Variants in ZKSCAN7 observed in about 807,000 individuals in gnomAD.
ZKSCAN7 encodes zinc finger protein with KRAB and SCAN domains 7.
Under a neutral mutation model 65.3 loss-of-function variants are expected in ZKSCAN7, and 38 were observed. The ratio of observed to expected loss-of-function variants is 0.58; its 90% CI spans 0.45 to 0.76. The LOEUF (loss-of-function observed/expected upper bound fraction) is 0.76. Among genes scored for constraint, ZKSCAN7 ranks in the 30% least tolerant of loss-of-function variants. The pLI is 0.00. For synonymous variants in ZKSCAN7, 321 were observed against 321.0 expected (o/e 1.00, Z 0.00); for missense variants, 815 against 913.3 (o/e 0.89, Z 1.39).
Position 44,557,463 on chromosome 3 carries a change from C to T in ZKSCAN7, c.416C>T (p.Ser139Leu). The change falls in exon 2 of 6, where the codon TCA becomes TTA. Residue 139 changes from serine to leucine, a missense_variant. By Grantham distance (145) the Ser-to-Leu change is moderately radical. Around this residue, in one of 3 missense-constraint regions of ZKSCAN7, gnomAD observed 227 missense variants for 253.3 expected, o/e 0.90. Transcript: ENST00000426540. ...VEDFQRHLSG[S>L]EEVSAPAQKQ... ...GATTTCCAGAGACACCTCAGTGGATCAGAGGAGGTGAGCAGTTGAGTCTAG... is the reference window on the plus strand; with the variant it reads ...GATTTCCAGAGACACCTCAGTGGATTAGAGGAGGTGAGCAGTTGAGTCTAG... 1 of 1,614,150 alleles carries T rather than the reference C, an allele frequency of 6.2e-7. No individual in the cohort carries two copies. The highest frequency in any genetic ancestry group is 8.5e-7 in the Non-Finnish European group (1 of 1,180,028).
At chr3:44,558,024 A>G (rs1475290105) in intron 2 of ZKSCAN7, among the ~76,000 whole-genome samples, 1 of 152,130 alleles carries the variant, frequency 6.6e-6, no homozygotes, top group Non-Finnish European at 1.5e-5. Context: ...ATGTAATACC[A>G]AGGTAATTTA....
chr3:44,582,768 A>G (rs960520649), intron 5 of ZKSCAN7, among the ~76,000 whole-genome samples: 2 of 152,170 alleles, frequency 1.3e-5, no homozygotes, highest in Non-Finnish European at 1.5e-5. Flanking sequence ...TTAAGGAGTA[A>G]TCATTCCTCC....
chr3:44,576,035 G>A (rs147645164), downstream of ZKSCAN7, among the ~76,000 whole-genome samples: 5 of 152,114 alleles, frequency 3.3e-5, no homozygotes, highest in East Asian at 5.8e-4. Context: ...TAGAAATGAC[G>A]CATTCTGATA....
chr3:44,565,387 T>A, intron 2 of ZKSCAN7, 100 bp from the exon 3 acceptor site: 6 of 1,274,822 alleles, frequency 4.7e-6, no homozygotes, highest in Non-Finnish European at 6.3e-6. Flanking sequence ...CTGGCTCTTC[T>A]TTTCCCTGGC....
chr3:44,555,515 AAAGGTAGAT>A (rs1413920190), intron 1 of ZKSCAN7, 34 bp downstream of exon 1: 9 of 152,270 alleles, frequency 5.9e-5, no homozygotes, highest in African/African-American at 2.2e-4. Flanking sequence ...GTTTAACACG[AAAGGTAGAT>A]CGCTGTTTTC....
intron 5 of ZKSCAN7, chr3:44,579,981 G>GT: frequency 1.3e-6 from 2 of 1,585,706 alleles, no homozygotes; most frequent in East Asian, 2.2e-5. Flanking sequence ...AGCTTGGGGG[G>GT]GGGCTTCATT....
At chr3:44,575,892 A>AT (rs1699913365), downstream of ZKSCAN7, among the ~76,000 whole-genome samples, 1 of 152,002 alleles carries the variant, frequency 6.6e-6, no homozygotes, top group African/African-American at 2.4e-5. Context: ...TATTATTATT[A>AT]TTTTTTAAAG....
At chr3:44,562,368 C>T (rs936712606) in intron 2 of ZKSCAN7, among the ~76,000 whole-genome samples, 1 of 152,200 alleles carries the variant, frequency 6.6e-6, no homozygotes, top group Admixed American at 6.5e-5. Context: ...ATTGTTTTCT[C>T]CTAGGCCTCC....
At chr3:44,568,534 C>T (rs1559427541) in intron 5 of ZKSCAN7, 101 bp downstream of exon 5, 3 of 1,511,484 alleles carry the variant, frequency 2.0e-6, no homozygotes, top group Non-Finnish European at 1.8e-6. Flanking sequence ...AATTTCCAAA[C>T]ATAGTTAAAC....
chr3:44,566,326 G>A (rs1016188324), intron 3 of ZKSCAN7, among the ~76,000 whole-genome samples: 4 of 152,152 alleles, frequency 2.6e-5, no homozygotes, highest in East Asian at 1.9e-4. Flanking sequence ...GGGAGTCAGA[G>A]GATAATGTGT....
intron 2 of ZKSCAN7, among the ~76,000 whole-genome samples, chr3:44,557,827 CTT>C (rs2125708211): frequency 1.3e-5 from 2 of 152,264 alleles, no homozygotes; most frequent in East Asian, 3.9e-4. Context: ...GAGACATTCT[CTT>C]TGCTCACTTC....
rs375769242 is a variant in ZKSCAN7 at position 44,579,509 on chromosome 3, G to C, written c.812-3463G>C. 3.9e-5 allele frequency among the ~76,000 whole-genome samples: 6 copies of C among 152,196 alleles called. No individual in the cohort carries two copies. In the East Asian group the frequency reaches 5.8e-4, roughly 15 times the overall value. The stretch of plus-strand genomic sequence containing the variant: ...TGCCTCTTGCTTCTCAGTAGGCCTC[G>C]GGCAGGTCTCAAAAGAGCAGCTGCT... On this transcript the variant is annotated intron_variant, in intron 5 of 5. Transcript: ENST00000341840.
chr3:44,557,547 T>G, intron 2 of ZKSCAN7, 77 bp downstream of exon 2: 1 of 1,589,680 alleles, frequency 6.3e-7, no homozygotes, highest in Non-Finnish European at 8.5e-7. Context: ...CATTCTCCAC[T>G]TCCCAGGCCC....
At chr3:44,582,042 A>C (rs1197299178) in intron 5 of ZKSCAN7, among the ~76,000 whole-genome samples, 1 of 152,198 alleles carries the variant, frequency 6.6e-6, no homozygotes, top group Non-Finnish European at 1.5e-5. Flanking sequence ...TTGAAAGTAA[A>C]TCCCCTATCC....
At chr3:44,566,546 A>G (rs892932528) in intron 3 of ZKSCAN7, among the ~76,000 whole-genome samples, 1 of 152,130 alleles carries the variant, frequency 6.6e-6, no homozygotes, top group African/African-American at 2.4e-5. Context: ...GGGAATTAGA[A>G]TGTTTTGGCC....
At chr3:44,561,637 G>T (rs550240217) in intron 2 of ZKSCAN7, among the ~76,000 whole-genome samples, 1 of 152,258 alleles carries the variant, frequency 6.6e-6, no homozygotes, top group East Asian at 1.9e-4. Context: ...GATACAATGG[G>T]GATATAGGCA....
intron 5 of ZKSCAN7, among the ~76,000 whole-genome samples, chr3:44,579,061 G>A (rs1184195748): frequency 1.3e-5 from 2 of 152,196 alleles, no homozygotes; most frequent in Non-Finnish European, 2.9e-5. Flanking sequence ...ACAGGTGGAC[G>A]GGGACGATGG....
Position 44,565,619 on chromosome 3 carries a change from G to A in ZKSCAN7, c.556G>A (p.Asp186Asn), listed in dbSNP as rs1448522318. The A allele has an allele frequency of 3.1e-6, 5 of 1,609,648 alleles. No homozygotes were observed. The highest frequency in any genetic ancestry group is 4.2e-6 in the Non-Finnish European group (5 of 1,178,266). The stretch of plus-strand genomic sequence containing the variant: ...TGGAGCCCACCTGGAGCCTCCTTAT[G>A]ACCCAGGGACACACCACCTCCCCAG... ...APGAHLEPPY[D>N]PGTHHLPSGD... The change falls in exon 3 of 6, where the codon GAC becomes AAC. Residue 186 changes from aspartate to asparagine, a missense_variant. Around this residue, in one of 3 missense-constraint regions of ZKSCAN7, gnomAD observed 227 missense variants for 253.3 expected, o/e 0.90. Coordinates refer to ENST00000426540, the MANE Select transcript of ZKSCAN7 (RefSeq NM_001288590.2).
At chr3:44,556,386 AAG>A (rs1699294842) in intron 1 of ZKSCAN7, among the ~76,000 whole-genome samples, 1 of 152,230 alleles carries the variant, frequency 6.6e-6, no homozygotes, top group Non-Finnish European at 1.5e-5. Context: ...AATTCAAAGA[AAG>A]AGTATGTGTG....
Sources: gnomAD v4.1 joint callset for allele counts (sites outside exome capture counted in the v4.1 genomes callset) on GRCh38, gnomAD v4.1.1 for gene constraint, gnomAD v4.1.1 regional missense constraint, MANE v1.5 for transcripts, NCBI Gene and HGNC (gene_info 2026-07-23, HGNC 2026-07-21) for gene names.